The following KLRD1 variants were observed in gnomAD, a reference collection of about 807,000 sequenced individuals.
The protein encoded by KLRD1 is killer cell lectin like receptor D1.
In KLRD1, 21 loss-of-function variants were observed where a neutral mutation model predicts 22.6. That is an observed-to-expected ratio of 0.93 (90% CI 0.66 to 1.34). The LOEUF (loss-of-function observed/expected upper bound fraction) is 1.34. Among genes scored for constraint, KLRD1 ranks in the 40% most tolerant of loss-of-function variants. The pLI is 0.00. For synonymous variants in KLRD1, 59 were observed against 71.1 expected (o/e 0.83, Z 0.85); for missense variants, 183 against 208.6 (o/e 0.88, Z 0.76).
At chr12:10,251,100 T>C (rs761163354) in intron 1 of KLRD1, among the ~76,000 whole-genome samples, 1 of 152,130 alleles carries the variant, frequency 6.6e-6, no homozygotes, top group African/African-American at 2.4e-5. Flanking sequence ...CTCTGGAGTT[T>C]GGGACAGTGA....
Position 10,286,662 on chromosome 12 carries a change from CTTTTTT to C in KLRD1, c.-100-21294_-100-21289del, listed in dbSNP as rs747241701. ...TCATCATTTTATTTCGCTTATGGTG[CTTTTTT>C]TTTTTTTTTTTTTTTTTTTTTATAG... is the stretch of plus-strand genomic sequence containing the variant. On this transcript the variant is annotated intron_variant, in intron 1 of 5. Transcript: ENST00000544747. Among the ~76,000 whole-genome samples the C allele has an allele frequency of 1.1e-4, 6 of 54,800 alleles. No individual in the cohort carries two copies. The Admixed American group carries it at 1.7e-3, about 16-fold the overall frequency. The allele number at this position is 54,800 out of a possible 152,430, so 36.0% of individuals were successfully genotyped here. A position where few individuals can be genotyped will look rare whatever the true frequency, so the allele number is the denominator to read the frequency against.
rs536109803 is a variant in KLRD1, at chr12:10,284,269, T to G, written c.-100-23709T>G. 2.0e-5 allele frequency among the ~76,000 whole-genome samples: 3 copies of G among 152,324 alleles called. No homozygotes were observed. The East Asian group carries it at 5.8e-4, about 29-fold the overall frequency. On this transcript the variant is annotated intron_variant, in intron 1 of 5. Transcript: ENST00000544747. ...CTGTGAAGAGATTCAACTTACCTTG[T>G]CCAATCTATACATAGGTTTACTATA... is the stretch of plus-strand genomic sequence containing the variant.
intron 1 of KLRD1, among the ~76,000 whole-genome samples, chr12:10,253,272 T>G (rs1949361734): frequency 6.6e-6 from 1 of 152,178 alleles, no homozygotes; most frequent in Non-Finnish European, 1.5e-5. Flanking sequence ...CTTTTAGGCG[T>G]ACGTTGGGCC....
intron 1 of KLRD1, among the ~76,000 whole-genome samples, chr12:10,258,937 A>G (rs997872637): frequency 4.6e-5 from 7 of 152,236 alleles, no homozygotes; most frequent in African/African-American, 9.6e-5. Context: ...GAAGAAGCCA[A>G]AGAAACTTAG....
chr12:10,240,137 T>C (rs1949227223), intron 1 of KLRD1, among the ~76,000 whole-genome samples: 1 of 151,974 alleles, frequency 6.6e-6, no homozygotes, highest in Admixed American at 6.6e-5. Flanking sequence ...CTCAGCTCAA[T>C]GCAGCCTCAA....
chr12:10,287,155 CT>C (rs79373669), intron 1 of KLRD1, among the ~76,000 whole-genome samples: 18,853 of 150,716 alleles, frequency 0.13, 1,942 homozygotes, highest in East Asian at 0.44. Context: ...ACAAAACCCT[CT>C]TTTTTTTTAT....
At chr12:10,255,710 T>G (rs1452618665) in intron 1 of KLRD1, among the ~76,000 whole-genome samples, 1 of 152,188 alleles carries the variant, frequency 6.6e-6, no homozygotes, top group Non-Finnish European at 1.5e-5. Context: ...TCTATGAGTT[T>G]ACTCTTTTAA....
rs1949964385 is a variant in KLRD1, at chr12:10,308,056, C to T, written c.-22C>T. ...AGTACACATCGTGCCTTCTCTACTT[C>T]GCTCTTGGAACATAATTTCTCATGG... On this transcript the variant is annotated 5_prime_UTR_variant, in exon 1 of 6. Coordinates refer to ENST00000336164, the MANE Select transcript of KLRD1 (RefSeq NM_002262.5). 3.1e-6 allele frequency: 5 copies of T among 1,609,616 alleles called. No homozygotes were observed. Among genetic ancestry groups the T allele is most frequent in the South Asian group, 2.2e-5 (2 of 90,968 alleles).
chr12:10,294,733 C>G (rs1412941468), intron 1 of KLRD1, among the ~76,000 whole-genome samples: 1 of 152,096 alleles, frequency 6.6e-6, no homozygotes, highest in East Asian at 1.9e-4. Context: ...TGGACCCACT[C>G]TGATATCCAA....
Position 10,310,264 on chromosome 12 carries a change from C to T in KLRD1, c.163+576C>T, listed in dbSNP as rs1263162869. On this transcript the variant is annotated intron_variant, in intron 3 of 5. Transcript: ENST00000336164. ...CCTCCCAAGTAGCTGGGACTACAGG[C>T]GCCCGCCACCATGCCCAGCTAATTT... Among the ~76,000 whole-genome samples, 18 of 152,094 alleles carry T rather than the reference C, an allele frequency of 1.2e-4. 1 individual carries two copies. The highest frequency in any genetic ancestry group is 8.5e-4 in the Admixed American group (13 of 15,276).
At chr12:10,271,536 A>G (rs760707498) in intron 1 of KLRD1, among the ~76,000 whole-genome samples, 10 of 152,212 alleles carry the variant, frequency 6.6e-5, no homozygotes, top group Non-Finnish European at 1.5e-4. Flanking sequence ...ATTTAAGCCA[A>G]AAAGTGAATC....
chr12:10,297,903 T>C (rs1353311860), intron 1 of KLRD1, among the ~76,000 whole-genome samples: 1 of 151,922 alleles, frequency 6.6e-6, no homozygotes, highest in Admixed American at 6.6e-5. Flanking sequence ...CACTTTTTAC[T>C]TTTTCTCTGG....
At chr12:10,282,168 A>G (rs1225813434) in intron 1 of KLRD1, among the ~76,000 whole-genome samples, 3 of 152,156 alleles carry the variant, frequency 2.0e-5, no homozygotes, top group African/African-American at 7.2e-5. Flanking sequence ...CATTGCCTAT[A>G]ATTTTTTAAT....
chr12:10,305,314 TG>T (rs1163927903), upstream of KLRD1, among the ~76,000 whole-genome samples: 1 of 152,180 alleles, frequency 6.6e-6, no homozygotes, highest in Non-Finnish European at 1.5e-5. Flanking sequence ...AGCAAATTTA[TG>T]TAAGTGAAGC....
chr12:10,315,229 C>T lies in KLRD1; in HGVS notation c.*436C>T, dbSNP rs1950196399. 2.4e-6 allele frequency: 1 copy of T among 423,350 alleles called. No homozygotes were observed. Among genetic ancestry groups the T allele is most frequent in the Non-Finnish European group, 4.7e-6 (1 of 212,266 alleles). 26.2% of individuals were successfully genotyped at this position (423,350 alleles called of 1,614,324 possible). The stretch of plus-strand genomic sequence containing the variant: ...CTCATTGCAAGCTCAAGTGATCCTC[C>T]TGACTCAGCCTCCCAAGTAGCTAGG... On this transcript the variant is annotated 3_prime_UTR_variant, in exon 6 of 6. Coordinates refer to ENST00000336164, the MANE Select transcript of KLRD1 (RefSeq NM_002262.5).
Position 10,309,445 on chromosome 12 carries a change from C to A in KLRD1, c.65C>A (p.Ser22Ter). 1 of 1,552,942 alleles carries A rather than the reference C, an allele frequency of 6.4e-7. No individual in the cohort carries two copies. The highest frequency in any genetic ancestry group is 8.9e-7 in the Non-Finnish European group (1 of 1,124,078). ...ISGTLGIICL[S>*]LMSTLGILLK... ...GGGACCTTAGGGATAATATGCCTTT[C>A]GTTGATGTCTACGTTGGGAATTTTG... is the stretch of plus-strand genomic sequence containing the variant. Residue 22 changes from serine (S) to a stop codon, truncating the protein, a stop_gained, in exon 2 of 6, where the codon TCG becomes TAG. Coordinates refer to ENST00000336164, the MANE Select transcript of KLRD1 (RefSeq NM_002262.5). LOFTEE classifies it high-confidence loss of function.
intron 1 of KLRD1, among the ~76,000 whole-genome samples, chr12:10,265,646 A>T (rs1165284823): frequency 6.6e-6 from 1 of 152,160 alleles, no homozygotes; most frequent in Non-Finnish European, 1.5e-5. Flanking sequence ...AAGCCCAGCT[A>T]CTCGGGAGGC....
chr12:10,311,619 T>C lies in KLRD1; in HGVS notation c.315+4T>C, dbSNP rs1043124129. On this transcript the variant is annotated splice_donor_region_variant and intron_variant, in intron 4 of 5. Transcript: ENST00000336164. ...GCTTCAAAACACAGATGAACTGGCATGTGCTGAGTCTGATTTTCTACATTT... is the reference window on the plus strand; with the variant it reads ...GCTTCAAAACACAGATGAACTGGCACGTGCTGAGTCTGATTTTCTACATTT... 1.2e-6 allele frequency: 2 copies of C among 1,613,134 alleles called. No individual in the cohort carries two copies. Among genetic ancestry groups the C allele is most frequent in the Non-Finnish European group, 1.7e-6 (2 of 1,179,366 alleles).
In KLRD1 at chr12:10,243,596, G is replaced by C. The variant is rs558678638; in HGVS notation, c.-101+17363G>C. Among the ~76,000 whole-genome samples, 8 of 89,708 alleles carry C rather than the reference G, an allele frequency of 8.9e-5. No homozygotes were observed. In the Admixed American group the frequency reaches 1.2e-3, roughly 13 times the overall value. The allele number at this position is 89,708 out of a possible 152,430, so 58.9% of individuals were successfully genotyped here. ...GCCACTCACTCCAGCCTGGGCAACAGAGTGAGACTCCAAAAAAAAAAAAAA... is the reference window on the plus strand; with the variant it reads ...GCCACTCACTCCAGCCTGGGCAACACAGTGAGACTCCAAAAAAAAAAAAAA... On this transcript the variant is annotated intron_variant, in intron 1 of 5. Coordinates refer to the KLRD1 transcript ENST00000544747.
Sources: allele counts gnomAD v4.1 joint callset (sites outside exome capture counted in the v4.1 genomes callset), GRCh38; gene constraint gnomAD v4.1.1; transcripts MANE v1.5; gene names NCBI Gene and HGNC (gene_info 2026-07-23, HGNC 2026-07-21).